The following ZCWPW2 variants were observed in gnomAD, a reference collection of about 807,000 sequenced individuals.
ZCWPW2 encodes the protein zinc finger CW-type and PWWP domain containing 2.
A neutral mutation model predicts 46.6 loss-of-function variants in ZCWPW2; 45 were observed. That is an observed-to-expected ratio of 0.96 (90% CI 0.76 to 1.24). ZCWPW2 has a LOEUF of 1.24. ZCWPW2 is among the 50% of genes most tolerant of loss of function. ZCWPW2 has a pLI of 0.00. For synonymous variants in ZCWPW2, 152 were observed against 137.1 expected, an observed-to-expected ratio of 1.11 and a Z score of -0.76; for missense variants, 429 against 403.9, an observed-to-expected ratio of 1.06 and a Z score of -0.53.
chr3:28,430,274 C>A (rs544906428), intron 3 of ZCWPW2, among the ~76,000 whole-genome samples: 6 of 152,208 alleles, frequency 3.9e-5, no homozygotes, highest in Non-Finnish European at 5.9e-5. Flanking sequence ...GACATGGAGT[C>A]AAAGGAGATA....
chr3:28,401,177 C>CAA (rs61543016), intron 2 of ZCWPW2, among the ~76,000 whole-genome samples: 4 of 134,910 alleles, frequency 3.0e-5, no homozygotes, highest in African/African-American at 5.5e-5. Context: ...GACTCCATCT[C>CAA]AAAAAAAAAA....
At chr3:28,366,775 G>C (rs1460114593) in intron 1 of ZCWPW2, among the ~76,000 whole-genome samples, 1 of 152,112 alleles carries the variant, frequency 6.6e-6, no homozygotes, top group Non-Finnish European at 1.5e-5. Flanking sequence ...TCTGGTCCTG[G>C]ACTTTTTTTG....
At chr3:28,477,099 A>G (rs1254230264) in intron 4 of ZCWPW2, among the ~76,000 whole-genome samples, 1 of 152,180 alleles carries the variant, frequency 6.6e-6, no homozygotes, top group East Asian at 1.9e-4. Context: ...GTTTAGTGCT[A>G]TAAGCTTTAA....
At chr3:28,361,717 C>T (rs1423132464) in intron 1 of ZCWPW2, among the ~76,000 whole-genome samples, 1 of 151,974 alleles carries the variant, frequency 6.6e-6, no homozygotes, top group Non-Finnish European at 1.5e-5. Context: ...TGGCAAAGGG[C>T]TTGATTAGAC....
intron 3 of ZCWPW2, among the ~76,000 whole-genome samples, chr3:28,417,373 AT>A: frequency 6.6e-6 from 1 of 152,146 alleles, no homozygotes; most frequent in South Asian, 2.1e-4. Flanking sequence ...GCAATAATTA[AT>A]AGTTTAGCAA....
chr3:28,423,061 T>G (rs1490894042), intron 3 of ZCWPW2, among the ~76,000 whole-genome samples: 2 of 152,188 alleles, frequency 1.3e-5, no homozygotes, highest in African/African-American at 4.8e-5. Context: ...TTCATTTTCT[T>G]ATTGTAAAGT....
chr3:28,412,935 G>T (rs1315731618), intron 2 of ZCWPW2, 121 bp from the exon 3 acceptor site: 1 of 701,188 alleles, frequency 1.4e-6, no homozygotes, highest in Non-Finnish European at 2.3e-6. Flanking sequence ...GTCTTTGTAG[G>T]ATAGAGAGGG....
At chr3:28,500,067 TA>T (rs2125823660) in intron 6 of ZCWPW2, among the ~76,000 whole-genome samples, 1 of 152,242 alleles carries the variant, frequency 6.6e-6, no homozygotes, top group South Asian at 2.1e-4. Context: ...TGAAAAGCTT[TA>T]TCAGTATAGC....
At chr3:28,485,825 T>A (rs1699581066) in intron 5 of ZCWPW2, among the ~76,000 whole-genome samples, 1 of 152,182 alleles carries the variant, frequency 6.6e-6, no homozygotes, top group Admixed American at 6.6e-5. Context: ...TCATATTTGT[T>A]ATTATTTTCT....
intron 4 of ZCWPW2, among the ~76,000 whole-genome samples, chr3:28,456,765 C>G (rs2125784652): frequency 6.6e-6 from 1 of 152,122 alleles, no homozygotes; most frequent in African/African-American, 2.4e-5. Flanking sequence ...TTATGTGATT[C>G]ATCACATTTA....
Position 28,478,836 on chromosome 3 carries a change from A to C in ZCWPW2, c.515A>C (p.Lys172Thr). The change falls in exon 5 of 10, where the codon AAG (lysine) becomes ACG (threonine). Residue 172 changes from lysine to threonine, a missense_variant. Transcript: ENST00000383768. ...TAGCCAGAAAAGTGTAAGAATAAAA[A>C]GAAGTGGTATAAAAGTGCACTACAA... ...TLKPEKCKNK[K>T]KWYKSALQEA... 3 of 1,557,052 alleles carry C rather than the reference A, an allele frequency of 1.9e-6. No individual in the cohort carries two copies. The highest frequency in any genetic ancestry group is 2.6e-6 in the Non-Finnish European group (3 of 1,157,306).
chr3:28,433,687 C>T lies in ZCWPW2; in HGVS notation c.333-1423C>T, dbSNP rs142831819. The stretch of plus-strand genomic sequence containing the variant: ...TGGAGAATTGCTTGAACCCAGGAGA[C>T]GGAGGCTGCGGTGAGCCGAGATCAC... On this transcript the variant is annotated intron_variant, in intron 3 of 9. Coordinates refer to ENST00000383768, the MANE Select transcript of ZCWPW2 (RefSeq NM_001040432.4). 6.8e-3 allele frequency among the ~76,000 whole-genome samples: 1,000 copies of T among 146,882 alleles called. 9 individuals are homozygous for T. Among genetic ancestry groups the T allele is most frequent in the African/African-American group, 0.021 (839 of 39,750 alleles).
rs146510393 is a variant in ZCWPW2, at chr3:28,442,287, C to T, written c.492+7018C>T. Among the ~76,000 whole-genome samples the T allele has an allele frequency of 2.5e-3, 386 of 152,318 alleles. 1 individual carries two copies. Among genetic ancestry groups the T allele is most frequent in the African/African-American group, 8.4e-3 (350 of 41,558 alleles). On this transcript the variant is annotated intron_variant, in intron 4 of 9. Transcript: ENST00000383768. Reference sequence around the variant, plus strand: ...CTTCACCTTAGAAGGAATATCTCAACAAGCCCCACACCGCTGGACTCCTAG... The same window carrying T: ...CTTCACCTTAGAAGGAATATCTCAATAAGCCCCACACCGCTGGACTCCTAG...
In ZCWPW2 at chr3:28,371,854, C is replaced by G. The variant is rs1051023087; in HGVS notation, c.-133-18644C>G. On this transcript the variant is annotated intron_variant, in intron 1 of 9. Transcript: ENST00000383768. ...TAGGGGAAAAGAGGCCTTAGAGGAG[C>G]CTGATTAAAGTTTAGTCAAAGGGAG... 2.0e-5 allele frequency among the ~76,000 whole-genome samples: 3 copies of G among 151,982 alleles called. No individual in the cohort carries two copies. The East Asian group carries it at 5.8e-4, about 29-fold the overall frequency.
chr3:28,376,949 G>A (rs1301091824), intron 1 of ZCWPW2, among the ~76,000 whole-genome samples: 1 of 152,034 alleles, frequency 6.6e-6, no homozygotes, highest in Non-Finnish European at 1.5e-5. Flanking sequence ...TTAAGCATAG[G>A]CATGATTTTA....
chr3:28,462,768 C>A (rs992036018), intron 4 of ZCWPW2, among the ~76,000 whole-genome samples: 1 of 152,008 alleles, frequency 6.6e-6, no homozygotes, highest in Non-Finnish European at 1.5e-5. Flanking sequence ...TCTCCACGGG[C>A]CTCACTGGTG....
chr3:28,412,941 GA>G, intron 2 of ZCWPW2, 114 bp from the exon 3 acceptor site: 1 of 732,870 alleles, frequency 1.4e-6, no homozygotes, highest in South Asian at 1.9e-5. Context: ...GTAGGATAGA[GA>G]GGGGGTGGGC....
At chr3:28,417,641 G>A (rs920021415) in intron 3 of ZCWPW2, among the ~76,000 whole-genome samples, 14 of 135,932 alleles carry the variant, frequency 1.0e-4, no homozygotes, top group Non-Finnish European at 1.6e-4. Flanking sequence ...ACCGAATCCA[G>A]CAGCACATCA....
intron 5 of ZCWPW2, among the ~76,000 whole-genome samples, chr3:28,480,181 T>G (rs1418883017): frequency 6.6e-6 from 1 of 152,136 alleles, no homozygotes; most frequent in Non-Finnish European, 1.5e-5. Context: ...TTTACACTCC[T>G]ACCAACAGTG....
Sources: gnomAD v4.1 joint callset for allele counts (sites outside exome capture counted in the v4.1 genomes callset) on GRCh38, gnomAD v4.1.1 for gene constraint, MANE v1.5 for transcripts, NCBI Gene and HGNC (gene_info 2026-07-23, HGNC 2026-07-21) for gene names.